The following GIMAP6 variants were observed in gnomAD, a reference collection of about 807,000 sequenced individuals.
The protein encoded by GIMAP6 is GTPase IMAP family member 6.
In GIMAP6, 6 loss-of-function variants were observed where a neutral mutation model predicts 9.3. The observed-to-expected ratio is 0.65, with a 90% CI of 0.35 to 1.27. GIMAP6 has a LOEUF of 1.27. Among genes scored for constraint, GIMAP6 ranks in the 50% most tolerant of loss-of-function variants. The pLI, the probability that GIMAP6 is intolerant of heterozygous loss-of-function variation, is 0.03. For synonymous variants in GIMAP6, 156 were observed against 151.1 expected, an observed-to-expected ratio of 1.03 and a Z score of -0.24; for missense variants, 333 against 359.5, an observed-to-expected ratio of 0.93 and a Z score of 0.60.
intron 2 of GIMAP6, chr7:150,628,854 A>G: frequency 1.2e-6 from 1 of 818,628 alleles, no homozygotes; most frequent in Non-Finnish European, 1.8e-6. Context: ...GACCCAGAGC[A>G]CATAAAGAAG....
intron 2 of GIMAP6, among the ~76,000 whole-genome samples, chr7:150,629,402 G>A (rs866341959): frequency 8.5e-5 from 13 of 152,246 alleles, no homozygotes; most frequent in Admixed American, 5.2e-4. Context: ...AAAGTAAAAG[G>A]TCATTCATAT....
rs925810090 is a variant in GIMAP6, at chr7:150,627,483, G to A, written c.*236C>T. ...ATAGAAGGTCCAATAGGAAGACAGC[G>A]TGCTGTTGGGGCACAGAGGAGGGAG... On this transcript the variant is annotated 3_prime_UTR_variant, in exon 3 of 3. Transcript: ENST00000328902. The A allele has an allele frequency of 1.9e-5, 11 of 590,904 alleles. No individual in the cohort carries two copies. Among genetic ancestry groups the A allele is most frequent in the South Asian group, 8.1e-5 (4 of 49,154 alleles). The allele number at this position is 590,904 out of a possible 1,614,324, so 36.6% of individuals were successfully genotyped here. A position where few individuals can be genotyped will look rare whatever the true frequency, so the allele number is the denominator to read the frequency against.
chr7:150,628,835 G>A (rs1382734068), intron 2 of GIMAP6: 30 of 1,065,778 alleles, frequency 2.8e-5, no homozygotes, highest in African/African-American at 6.4e-5. Context: ...CTGGCCTTGC[G>A]GGTCCCAAGA....
Position 150,625,531 on chromosome 7 carries a change from AT to A in GIMAP6, c.*2187del, listed in dbSNP as rs1427534869. 1.3e-5 allele frequency: 2 copies of A among 152,228 alleles called. No homozygotes were observed. Among genetic ancestry groups the A allele is most frequent in the Non-Finnish European group, 2.9e-5 (2 of 68,044 alleles). 9.4% of individuals were successfully genotyped at this position (152,228 alleles called of 1,614,324 possible). ...AAATAATAGCATCAAAATTTACAAAATTATCTCCTATCTGAATGAAAATGCA... is the reference window on the plus strand; with the variant it reads ...AAATAATAGCATCAAAATTTACAAAATATCTCCTATCTGAATGAAAATGCA... On this transcript the variant is annotated 3_prime_UTR_variant, in exon 3 of 3. Transcript: ENST00000328902.
chr7:150,631,003 C>T (rs892236612), intron 1 of GIMAP6, among the ~76,000 whole-genome samples: 10 of 152,180 alleles, frequency 6.6e-5, no homozygotes, highest in Admixed American at 5.2e-4. Context: ...ATAAGGTTCT[C>T]TCTGCTGGAT....
At position 150,630,118 on chromosome 7, in the gene GIMAP6, T is replaced by A. The variant is rs1796366541; in HGVS notation, c.25A>T (p.Ile9Phe). Reference sequence around the variant, plus strand: ...TCTTCTGGGGGATTCTCCTGGGGAATTTGTTCATATTCTTCTTCCTCCATC... The same window carrying A: ...TCTTCTGGGGGATTCTCCTGGGGAAATTGTTCATATTCTTCTTCCTCCATC... MEEEEYEQ[I>F]PQENPPEELS... is the part of the protein sequence containing the mutation. Residue 9 changes from isoleucine (I) to phenylalanine (F), a missense_variant, in exon 2 of 3, where the codon ATT becomes TTT. By Grantham distance (21) the Ile-to-Phe change is conservative. Coordinates refer to ENST00000328902, the MANE Select transcript of GIMAP6 (RefSeq NM_024711.6). The A allele has an allele frequency of 3.9e-6, 6 of 1,552,516 alleles. No individual in the cohort carries two copies. The highest frequency in any genetic ancestry group is 4.3e-6 in the Non-Finnish European group (5 of 1,158,238).
chr7:150,630,805 A>G (rs138033008), intron 1 of GIMAP6, among the ~76,000 whole-genome samples: 173 of 152,380 alleles, frequency 1.1e-3, no homozygotes, highest in African/African-American at 3.7e-3. Context: ...GGCCTGAACT[A>G]GATGCCTGTG....
At position 150,628,085 on chromosome 7, in the gene GIMAP6, G is replaced by T. The variant is rs200071507; in HGVS notation, c.513C>A (p.Gly171=). The T allele has an allele frequency of 1.3e-5, 21 of 1,614,144 alleles. No homozygotes were observed. The East Asian group carries it at 4.2e-4, about 33-fold the overall frequency. Reference sequence around the variant, plus strand: ...TCTCTCGCACATAGTCTTCCAGGGAGCCGCCAGCCAGGTCTTCCTTCCGGG... The same window carrying T: ...TCTCTCGCACATAGTCTTCCAGGGATCCGCCAGCCAGGTCTTCCTTCCGGG... ...VFTRKEDLAG[G]SLEDYVRETN... The change falls in exon 3 of 3, where the codon GGC becomes GGA. Residue 171 remains glycine (G), a synonymous_variant. Coordinates refer to ENST00000328902, the MANE Select transcript of GIMAP6 (RefSeq NM_024711.6).
chr7:150,628,327 G>T lies in GIMAP6; in HGVS notation c.271C>A (p.Leu91Ile). ...RRSREWAGKE[L>I]EVIDTPNILS... The stretch of plus-strand genomic sequence containing the variant: ...ATGTTGGGTGTGTCAATCACCTCAA[G>T]CTCCTTCCCAGCCCACTCTCGGCTC... Residue 91 changes from leucine to isoleucine, a missense_variant, in exon 3 of 3, where the codon CTT becomes ATT. Leu to Ile is a conservative substitution (Grantham distance 5). Coordinates refer to ENST00000328902, the MANE Select transcript of GIMAP6 (RefSeq NM_024711.6). The T allele has an allele frequency of 6.2e-7, 1 of 1,614,116 alleles. No individual in the cohort carries two copies. The highest frequency in any genetic ancestry group is 1.1e-5 in the South Asian group (1 of 91,066).
chr7:150,627,735 C>T lies in GIMAP6; in HGVS notation c.863G>A (p.Gly288Glu). The T allele has an allele frequency of 3.1e-6, 5 of 1,613,572 alleles. No homozygotes were observed. The highest frequency in any genetic ancestry group is 2.2e-5 in the South Asian group (2 of 90,992). Reference protein sequence around the residue: ...ESEEAHRCLLGKADL With the variant: ...ESEEAHRCLLEKADL ...AGCACAGGCTCAAAGGTCAGCCTTC[C>T]CCAGCAGGCATCTGTGGGCTTCCTC... The change falls in exon 3 of 3, where the codon GGG becomes GAG. Residue 288 changes from glycine to glutamate, a missense_variant. Physicochemically the swap from Gly to Glu is moderately conservative, Grantham distance 98. Transcript: ENST00000328902.
In GIMAP6 at chr7:150,630,806, G is replaced by C. The variant is rs559715348; in HGVS notation, c.1-664C>G. 1.7e-3 allele frequency among the ~76,000 whole-genome samples: 252 copies of C among 152,352 alleles called. 1 individual carries two copies. Among genetic ancestry groups the C allele is most frequent in the African/African-American group, 5.4e-3 (223 of 41,582 alleles). ...CAGTAAGAATGTTGGGCCTGAACTA[G>C]ATGCCTGTGAATGTCTCTTCCCCTA... On this transcript the variant is annotated intron_variant, in intron 1 of 2. Transcript: ENST00000328902.
In GIMAP6 at chr7:150,630,060, C is replaced by A. The variant is rs1257475235; in HGVS notation, c.83G>T (p.Gly28Val). The A allele has an allele frequency of 6.3e-7, 1 of 1,592,786 alleles. No individual in the cohort carries two copies. ...TCCCCTCTCCTCATTCATTTTACCT[C>A]CTGACAGCTCCAGCACAGGATCCTG... The part of the protein sequence containing the change: ...LSQDPVLELS[G>V]GLREKEQKTP... Residue 28 changes from glycine to valine, a missense_variant and splice_region_variant, in exon 2 of 3, where the codon GGA becomes GTA. Coordinates refer to ENST00000328902, the MANE Select transcript of GIMAP6 (RefSeq NM_024711.6).
rs1267849535 is a variant in GIMAP6, at chr7:150,627,281, G to C, written c.*438C>G. On this transcript the variant is annotated 3_prime_UTR_variant, in exon 3 of 3. Coordinates refer to ENST00000328902, the MANE Select transcript of GIMAP6 (RefSeq NM_024711.6). Reference sequence around the variant, plus strand: ...AAACCATCATGGTGTGGGGAGAGATGAGAAGTCATCTGGTCAACAGCTTGC... The same window carrying C: ...AAACCATCATGGTGTGGGGAGAGATCAGAAGTCATCTGGTCAACAGCTTGC... The C allele has an allele frequency of 9.0e-6, 2 of 221,364 alleles. No individual in the cohort carries two copies. The highest frequency in any genetic ancestry group is 4.7e-5 in the African/African-American group (2 of 42,958). The allele number at this position is 221,364 out of a possible 1,614,324, so 13.7% of individuals were successfully genotyped here.
intron 1 of GIMAP6, 95 bp downstream of exon 1, chr7:150,632,074 C>T (rs551348709): frequency 8.3e-4 from 126 of 152,316 alleles, no homozygotes; most frequent in African/African-American, 2.9e-3. Context: ...CACACACATT[C>T]ATGTTAACAC....
At chr7:150,631,633 G>C (rs78900700) in intron 1 of GIMAP6, among the ~76,000 whole-genome samples, 2 of 152,166 alleles carry the variant, frequency 1.3e-5, no homozygotes, top group Middle Eastern at 3.2e-3. Flanking sequence ...AGGGTTCGGG[G>C]AATGGGTCTG....
intron 2 of GIMAP6, 92 bp downstream of exon 2, chr7:150,629,966 G>A: frequency 3.4e-6 from 3 of 870,808 alleles, no homozygotes; most frequent in African/African-American, 1.8e-5. Flanking sequence ...GGGGACGTCA[G>A]CTTCCTCTCC....
At position 150,632,336 on chromosome 7, in the gene GIMAP6, G is replaced by A. The variant is rs1329650522; in HGVS notation, c.-168C>T. 2 of 152,248 alleles carry A rather than the reference G, an allele frequency of 1.3e-5. No individual in the cohort carries two copies. Among genetic ancestry groups the A allele is most frequent in the Non-Finnish European group, 2.9e-5 (2 of 68,056 alleles). The allele number at this position is 152,248 out of a possible 1,614,324, so 9.4% of individuals were successfully genotyped here. On this transcript the variant is annotated 5_prime_UTR_variant, in exon 1 of 3. Coordinates refer to ENST00000328902, the MANE Select transcript of GIMAP6 (RefSeq NM_024711.6). ...AATGTTTTCAGAGAGCTGGGCTGGA[G>A]ACCTGCCCTTGAAAGAGCAGTGTCC...
rs577285447 is a variant in GIMAP6 at position 150,630,086 on chromosome 7, G to A, written c.57C>T (p.Ser19=). 1 of 1,588,034 alleles carries A rather than the reference G, an allele frequency of 6.3e-7. No homozygotes were observed. The highest frequency in any genetic ancestry group is 1.2e-5 in the South Asian group (1 of 86,628). The change falls in exon 2 of 3, where the codon TCC becomes TCT. Residue 19 remains serine (S), a synonymous_variant. Coordinates refer to ENST00000328902, the MANE Select transcript of GIMAP6 (RefSeq NM_024711.6). Reference sequence around the variant, plus strand: ...CTGACAGCTCCAGCACAGGATCCTGGGACAGCTCTTCTGGGGGATTCTCCT... The same window carrying A: ...CTGACAGCTCCAGCACAGGATCCTGAGACAGCTCTTCTGGGGGATTCTCCT... ...IPQENPPEEL[S]QDPVLELSGG...
chr7:150,629,452 G>C (rs1383918792), intron 2 of GIMAP6, among the ~76,000 whole-genome samples: 1 of 152,168 alleles, frequency 6.6e-6, no homozygotes, highest in Non-Finnish European at 1.5e-5. Context: ...CTTCTGGCCA[G>C]GAAAGGGCTG....
Sources: gnomAD v4.1 joint callset for allele counts (sites outside exome capture counted in the v4.1 genomes callset) on GRCh38, gnomAD v4.1.1 for gene constraint, MANE v1.5 for transcripts, NCBI Gene and HGNC (gene_info 2026-07-23, HGNC 2026-07-21) for gene names.